CTNNA2: variants seen among roughly 807,000 people sequenced by gnomAD.
The protein encoded by CTNNA2 is catenin alpha-2.
In CTNNA2, 42 loss-of-function variants were observed where a neutral mutation model predicts 101.0. The observed-to-expected ratio is 0.42, with a 90% CI of 0.32 to 0.54. The LOEUF is 0.54. CTNNA2 is among the 20% of genes least tolerant of loss of function. The pLI, the probability that CTNNA2 is intolerant of heterozygous loss-of-function variation, is 0.14. For missense variants in CTNNA2, 871 were observed against 1,223.1 expected (o/e 0.71, Z 4.29); for synonymous variants, 450 against 456.4 (o/e 0.99, Z 0.18).
At chr2:80,399,837 A>C (rs1475247994) in intron 8 of CTNNA2, among the ~76,000 whole-genome samples, 1 of 152,228 alleles carries the variant, frequency 6.6e-6, no homozygotes, top group Non-Finnish European at 1.5e-5. Flanking sequence ...TTTCAGCATG[A>C]AATTCCTAAG....
At position 80,028,906 on chromosome 2, in the gene CTNNA2, C is replaced by T. The variant is rs547533534; in HGVS notation, c.1056+119109C>T. Among the ~76,000 whole-genome samples the T allele has an allele frequency of 7.2e-4, 109 of 152,270 alleles. 1 individual carries two copies. Among genetic ancestry groups the T allele is most frequent in the African/African-American group, 2.5e-3 (104 of 41,540 alleles). On this transcript the variant is annotated intron_variant, in intron 7 of 18. Transcript: ENST00000402739. ...CTATCAACACCTGGATTTTAGCTTACCTAGACCTGTTTTGGAATTCTGACC... is the reference window on the plus strand; with the variant it reads ...CTATCAACACCTGGATTTTAGCTTATCTAGACCTGTTTTGGAATTCTGACC...
chr2:80,635,737 G>T (rs184938175), intron 18 of CTNNA2, among the ~76,000 whole-genome samples: 3 of 152,180 alleles, frequency 2.0e-5, no homozygotes, highest in Non-Finnish European at 4.4e-5. Context: ...GTTTTATGAT[G>T]ATTGCTAACT....
chr2:79,421,077 C>A (rs958840301), intron 4 of CTNNA2, among the ~76,000 whole-genome samples: 4 of 152,140 alleles, frequency 2.6e-5, no homozygotes, highest in Admixed American at 1.3e-4. Context: ...GCTATGCCAT[C>A]CCTTCCTTAT....
At chr2:80,320,218 C>A (rs1678544531) in intron 7 of CTNNA2, among the ~76,000 whole-genome samples, 1 of 152,230 alleles carries the variant, frequency 6.6e-6, no homozygotes. Context: ...GTTGGTTTCA[C>A]AGGTACATTC....
At chr2:80,603,175 T>C (rs1172822238) in intron 15 of CTNNA2, among the ~76,000 whole-genome samples, 1 of 152,072 alleles carries the variant, frequency 6.6e-6, no homozygotes, top group African/African-American at 2.4e-5. Context: ...TAATTAACGA[T>C]GCTAAAAATG....
intron 3 of CTNNA2, among the ~76,000 whole-genome samples, chr2:79,830,949 A>G (rs992802826): frequency 6.6e-6 from 1 of 152,198 alleles, no homozygotes; most frequent in African/African-American, 2.4e-5. Flanking sequence ...TTATTAATTC[A>G]TGATAATTGA....
intron 9 of CTNNA2, among the ~76,000 whole-genome samples, chr2:80,472,485 T>C (rs1685389926): frequency 6.6e-6 from 1 of 152,180 alleles, no homozygotes; most frequent in South Asian, 2.1e-4. Context: ...GCTGGAGCCA[T>C]GGAAGCAAAC....
rs532619108 is a variant in CTNNA2, at chr2:79,825,517, G to C, written c.299-32496G>C. 4.7e-4 allele frequency among the ~76,000 whole-genome samples: 72 copies of C among 152,166 alleles called. 1 individual carries two copies. The highest frequency in any genetic ancestry group is 1.7e-3 in the African/African-American group (72 of 41,518). Reference sequence around the variant, plus strand: ...ATTATCTGGTTTGAGCATCTAAAGGGGATAGTGTTGCCATTACTAAAAGGG... The same window carrying C: ...ATTATCTGGTTTGAGCATCTAAAGGCGATAGTGTTGCCATTACTAAAAGGG... On this transcript the variant is annotated intron_variant, in intron 3 of 18. Transcript: ENST00000402739.
chr2:79,538,438 A>G (rs150225009), intron 1 of CTNNA2, among the ~76,000 whole-genome samples: 49 of 152,266 alleles, frequency 3.2e-4, no homozygotes, highest in African/African-American at 1.1e-3. Flanking sequence ...GTATTTAGTT[A>G]TCTTTGGAAT....
At chr2:79,392,587 T>A (rs1678186805) in intron 4 of CTNNA2, among the ~76,000 whole-genome samples, 1 of 152,202 alleles carries the variant, frequency 6.6e-6, no homozygotes. Flanking sequence ...GCCCAAGCTG[T>A]GAAAAACAAA....
intron 9 of CTNNA2, among the ~76,000 whole-genome samples, chr2:80,423,324 A>G (rs931964726): frequency 2.0e-5 from 3 of 151,948 alleles, no homozygotes; most frequent in Non-Finnish European, 2.9e-5. Context: ...AAGGATATAA[A>G]TTTCCCTCTA....
intron 14 of CTNNA2, among the ~76,000 whole-genome samples, chr2:80,584,435 G>A (rs1366975949): frequency 2.7e-5 from 4 of 149,892 alleles, no homozygotes; most frequent in African/African-American, 4.9e-5. Flanking sequence ...GATAGGGGGC[G>A]GGGGGCGGTT....
At chr2:79,307,505 A>G (rs910283010) in intron 2 of CTNNA2, among the ~76,000 whole-genome samples, 4 of 152,182 alleles carry the variant, frequency 2.6e-5, no homozygotes, top group African/African-American at 9.7e-5. Flanking sequence ...CTTATTTCAC[A>G]TAACATAATG....
chr2:79,559,625 G>A (rs373641999), intron 1 of CTNNA2, among the ~76,000 whole-genome samples: 1 of 151,910 alleles, frequency 6.6e-6, no homozygotes. Flanking sequence ...TGAAGTAGTG[G>A]TGTTTCTTGG....
chr2:80,373,343 T>C (rs13420777), intron 7 of CTNNA2, among the ~76,000 whole-genome samples: 20,711 of 152,164 alleles, frequency 0.14, 2,670 homozygotes, highest in African/African-American at 0.34. Context: ...AGCTACCCAC[T>C]GCTTGCTTGG....
chr2:80,030,967 G>C (rs576074241), intron 7 of CTNNA2, among the ~76,000 whole-genome samples: 52 of 152,312 alleles, frequency 3.4e-4, no homozygotes, highest in African/African-American at 1.2e-3. Context: ...TCTATCCAGT[G>C]ATGGAAATGA....
chr2:79,930,355 A>AGAACGAAC (rs1472407347), intron 7 of CTNNA2, among the ~76,000 whole-genome samples: 49 of 104,988 alleles, frequency 4.7e-4, no homozygotes, highest in African/African-American at 1.5e-3. Flanking sequence ...AAAGAAAGAA[A>AGAACGAAC]GAATGAACAC....
chr2:80,449,093 C>T (rs1683289311), intron 9 of CTNNA2, among the ~76,000 whole-genome samples: 1 of 152,036 alleles, frequency 6.6e-6, no homozygotes, highest in South Asian at 2.1e-4. Flanking sequence ...TCAGTAGCAG[C>T]CTGCTTAAGA....
At chr2:79,617,680 A>G (rs917979439) in intron 1 of CTNNA2, among the ~76,000 whole-genome samples, 1 of 152,130 alleles carries the variant, frequency 6.6e-6, no homozygotes, top group African/African-American at 2.4e-5. Flanking sequence ...TTATAAGCTC[A>G]GTTTTGTTTA....
Sources: allele counts gnomAD v4.1 joint callset (sites outside exome capture counted in the v4.1 genomes callset), GRCh38; gene constraint gnomAD v4.1.1; transcripts MANE v1.5; gene names NCBI Gene and HGNC (gene_info 2026-07-23, HGNC 2026-07-21).